Variants in PHLDB1 observed in about 807,000 individuals in gnomAD.
PHLDB1 encodes pleckstrin homology like domain family B member 1, also known as pleckstrin homology-like domain family B member 1.
A neutral mutation model predicts 139.3 loss-of-function variants in PHLDB1; 65 were observed. That is an observed-to-expected ratio of 0.47 (90% CI 0.38 to 0.57). PHLDB1 has a LOEUF of 0.57. Among genes scored for constraint, PHLDB1 ranks in the 20% least tolerant of loss-of-function variants. PHLDB1 has a pLI of 0.00. For missense variants in PHLDB1, 1,624 were observed against 1,839.7 expected, an observed-to-expected ratio of 0.88 and a Z score of 2.14; for synonymous variants, 679 against 734.5, an observed-to-expected ratio of 0.92 and a Z score of 1.22.
intron 1 of PHLDB1, among the ~76,000 whole-genome samples, chr11:118,609,607 C>T (rs1335808803): frequency 1.3e-5 from 2 of 152,256 alleles, no homozygotes; most frequent in Admixed American, 1.3e-4. Flanking sequence ...TTCAGCCGCC[C>T]TTCCCGCAGC....
intron 10 of PHLDB1, among the ~76,000 whole-genome samples, chr11:118,636,026 G>T (rs1565459076): frequency 6.6e-6 from 1 of 152,194 alleles, no homozygotes; most frequent in South Asian, 2.1e-4. Context: ...TAAAACAAGG[G>T]TTATTGGGTA....
intron 7 of PHLDB1, 124 bp from the exon 8 acceptor site, chr11:118,631,789 A>G: frequency 1.7e-6 from 2 of 1,172,836 alleles, no homozygotes; most frequent in Non-Finnish European, 2.4e-6. Flanking sequence ...GGGGCAGGGA[A>G]TTAGCCTCCT....
intron 6 of PHLDB1, 27 bp from the exon 7 acceptor site, chr11:118,631,180 A>G: frequency 5.0e-6 from 7 of 1,389,902 alleles, no homozygotes; most frequent in Non-Finnish European, 6.6e-6. Context: ...CCTCCCCTTC[A>G]TGTCCTGCTC....
chr11:118,643,607 G>C, intron 13 of PHLDB1, 193 bp from the exon 14 acceptor site: 2 of 985,404 alleles, frequency 2.0e-6, no homozygotes, highest in Non-Finnish European at 2.4e-6. Context: ...GGGAGGAACA[G>C]CCTGGAAAGG....
chr11:118,627,447 G>A lies in PHLDB1; in HGVS notation c.624G>A (p.Glu208=). The A allele has an allele frequency of 1.2e-6, 2 of 1,614,204 alleles. No homozygotes were observed. Among genetic ancestry groups the A allele is most frequent in the Non-Finnish European group, 8.5e-7 (1 of 1,180,028 alleles). Residue 208 remains glutamate, a synonymous_variant, in exon 6 of 23, where the codon GAG becomes GAA. Transcript: ENST00000600882. Reference sequence around the variant, plus strand: ...TCATGGACTCACTGGTGCTAGAGGAGCCTGGAGCTGCTGGCAAGAAGCCTG... The same window carrying A: ...TCATGGACTCACTGGTGCTAGAGGAACCTGGAGCTGCTGGCAAGAAGCCTG... The part of the protein sequence containing the change: ...QEIMDSLVLE[E]PGAAGKKPAA...
At chr11:118,614,911 G>A in intron 3 of PHLDB1, 2 of 491,706 alleles carry the variant, frequency 4.1e-6, no homozygotes, top group African/African-American at 3.9e-5. Flanking sequence ...AAACAAGGAG[G>A]AGAGGCCAGG....
At chr11:118,635,648 G>A in intron 10 of PHLDB1, 100 bp downstream of exon 10, 2 of 1,055,816 alleles carry the variant, frequency 1.9e-6, no homozygotes, top group Non-Finnish European at 2.6e-6. Flanking sequence ...TTTTGTGCCT[G>A]GATTTCCTTG....
chr11:118,613,357 G>A (rs1431591362), intron 1 of PHLDB1: 1 of 987,202 alleles, frequency 1.0e-6, no homozygotes, highest in Non-Finnish European at 1.2e-6. Flanking sequence ...AAAGGTTGCA[G>A]GAGGGAGCTC....
At chr11:118,647,888 A>G in intron 17 of PHLDB1, 42 bp from the exon 18 acceptor site, 1 of 1,539,410 alleles carries the variant, frequency 6.5e-7, no homozygotes, top group East Asian at 2.5e-5. Flanking sequence ...AGTGGGGGGA[A>G]GAGGATGGCC....
intron 22 of PHLDB1, 91 bp downstream of exon 22, chr11:118,655,983 C>T: frequency 1.0e-6 from 1 of 953,640 alleles, no homozygotes; most frequent in Non-Finnish European, 1.7e-6. Context: ...ATCCCCCTCC[C>T]TTCCCCCAGG....
Position 118,628,204 on chromosome 11 carries a change from A to G in PHLDB1, c.1381A>G (p.Ser461Gly), listed in dbSNP as rs1434559663. 3.7e-6 allele frequency: 6 copies of G among 1,613,796 alleles called. No individual in the cohort carries two copies. The African/African-American group carries it at 8.0e-5, about 22-fold the overall frequency. ...CAGTATGCGAGAACTACCCCCCTTA[A>G]GTCCATCTCTGTCCCGGCGAGCTCT... ...LDSMRELPPL[S>G]PSLSRRALSP... The change falls in exon 6 of 23, where the codon AGT (serine) becomes GGT (glycine). Residue 461 changes from serine (S) to glycine (G), a missense_variant. Physicochemically the swap from Ser to Gly is moderately conservative, Grantham distance 56. Transcript: ENST00000600882.
chr11:118,629,896 G>T lies in PHLDB1; in HGVS notation c.1827+1246G>T, dbSNP rs983285894. On this transcript the variant is annotated intron_variant, in intron 6 of 22. Coordinates refer to ENST00000600882, the MANE Select transcript of PHLDB1 (RefSeq NM_001144758.3). ...CACATCTTACCACTAGTCCTGACCT[G>T]CCTCACCTGCCACTTTAAGTCTTGG... is the stretch of plus-strand genomic sequence containing the variant. The T allele has an allele frequency of 2.1e-5, 13 of 623,046 alleles. No individual in the cohort carries two copies. The East Asian group carries it at 8.6e-4, about 41-fold the overall frequency. 38.6% of individuals were successfully genotyped at this position (623,046 alleles called of 1,614,324 possible).
chr11:118,639,440 A>T, intron 12 of PHLDB1, 189 bp downstream of exon 12: 4 of 567,810 alleles, frequency 7.0e-6, no homozygotes, highest in Non-Finnish European at 1.3e-5. Context: ...GCCTCTGTTT[A>T]GTTGCCTCTG....
At chr11:118,612,697 C>T (rs1555085102) in intron 1 of PHLDB1, among the ~76,000 whole-genome samples, 2 of 152,192 alleles carry the variant, frequency 1.3e-5, no homozygotes, top group Non-Finnish European at 2.9e-5. Flanking sequence ...CTAAGGTCCT[C>T]GGGACCCACT....
At chr11:118,641,772 GCCTTCA>G in intron 12 of PHLDB1, 1 of 1,288,978 alleles carries the variant, frequency 7.8e-7, no homozygotes, top group Non-Finnish European at 1.0e-6. Context: ...CTTCCATCAC[GCCTTCA>G]CCTAAGGTTG....
Position 118,657,479 on chromosome 11 carries a change from A to G in PHLDB1, c.*656A>G, listed in dbSNP as rs568014044. 4 of 152,884 alleles carry G rather than the reference A, an allele frequency of 2.6e-5. No individual in the cohort carries two copies. In the East Asian group the frequency reaches 7.8e-4, roughly 30 times the overall value. 9.5% of individuals were successfully genotyped at this position (152,884 alleles called of 1,614,324 possible). ...TGAGGGTACGTGCCATCATCTCTCC[A>G]GCCCAGGCCCCTGGGCATCTCATGC... On this transcript the variant is annotated 3_prime_UTR_variant, in exon 23 of 23. Coordinates refer to ENST00000600882, the MANE Select transcript of PHLDB1 (RefSeq NM_001144758.3).
Position 118,656,751 on chromosome 11 carries a change from T to A in PHLDB1, c.4062T>A (p.Ser1354=). The change falls in exon 23 of 23, where the codon TCT becomes TCA. Residue 1354 remains serine (S), a synonymous_variant. Coordinates refer to ENST00000600882, the MANE Select transcript of PHLDB1 (RefSeq NM_001144758.3). ...HDRLYYMVAP[S]AEAMRIWMDV... ...GGCTGTACTACATGGTGGCCCCATC[T>A]GCAGAGGCCATGCGTATCTGGATGG... 1 of 1,613,514 alleles carries A rather than the reference T, an allele frequency of 6.2e-7. No individual in the cohort carries two copies. Among genetic ancestry groups the A allele is most frequent in the Non-Finnish European group, 8.5e-7 (1 of 1,179,396 alleles).
intron 18 of PHLDB1, among the ~76,000 whole-genome samples, chr11:118,649,382 G>A (rs560249930): frequency 1.3e-5 from 2 of 152,194 alleles, no homozygotes; most frequent in African/African-American, 2.4e-5. Context: ...GTCAGTGACT[G>A]TTCTGGGAGT....
intron 6 of PHLDB1, 60 bp from the exon 7 acceptor site, chr11:118,631,147 C>G (rs1436654945): frequency 3.0e-5 from 41 of 1,346,958 alleles, no homozygotes; most frequent in Non-Finnish European, 3.9e-5. Context: ...GAACCTGGCT[C>G]TATCCCCACC....
Sources: gnomAD v4.1 joint callset for allele counts (sites outside exome capture counted in the v4.1 genomes callset) on GRCh38, gnomAD v4.1.1 for gene constraint, MANE v1.5 for transcripts, NCBI Gene and HGNC (gene_info 2026-07-23, HGNC 2026-07-21) for gene names.